Variants in CTNNA3 observed in about 807,000 individuals in gnomAD.
The protein encoded by CTNNA3 is catenin alpha-3.
CTNNA3 carries 76 observed loss-of-function variants against 95.7 expected under a neutral mutation model. The observed-to-expected ratio is 0.79, with a 90% CI of 0.66 to 0.96. The LOEUF (loss-of-function observed/expected upper bound fraction) is 0.96, where lower values mean the gene tolerates loss of function less well. Ranked by LOEUF, CTNNA3 falls within the 40% of genes least tolerant of loss-of-function variation. The pLI, the probability that CTNNA3 is intolerant of heterozygous loss-of-function variation, is 0.00. For missense variants in CTNNA3, 1,191 were observed against 1,089.8 expected, an observed-to-expected ratio of 1.09 and a Z score of -1.31; for synonymous variants, 431 against 374.4, an observed-to-expected ratio of 1.15 and a Z score of -1.74.
At chr10:67,015,740 AT>A (rs1489058859) in intron 7 of CTNNA3, among the ~76,000 whole-genome samples, 1 of 151,634 alleles carries the variant, frequency 6.6e-6, no homozygotes, top group African/African-American at 2.4e-5. Context: ...TTATTGATTC[AT>A]TTTTTTCTGT....
chr10:67,511,186 T>C (rs1839614276), intron 5 of CTNNA3, among the ~76,000 whole-genome samples: 1 of 152,200 alleles, frequency 6.6e-6, no homozygotes, highest in Non-Finnish European at 1.5e-5. Flanking sequence ...CCTTTACTTC[T>C]TTCTCTTGCC....
chr10:67,755,935 A>G (rs1336051622), intron 1 of CTNNA3, among the ~76,000 whole-genome samples: 3 of 152,234 alleles, frequency 2.0e-5, no homozygotes, highest in Admixed American at 6.5e-5. Context: ...ATGCTCATCA[A>G]TGGAAGAATG....
At chr10:67,006,390 C>T (rs1158097831) in intron 7 of CTNNA3, among the ~76,000 whole-genome samples, 3 of 152,086 alleles carry the variant, frequency 2.0e-5, no homozygotes, top group Non-Finnish European at 4.4e-5. Flanking sequence ...CCCCCTCCAC[C>T]CCTTCTCTTT....
intron 2 of CTNNA3, among the ~76,000 whole-genome samples, chr10:67,630,470 C>G (rs1428519633): frequency 6.6e-6 from 1 of 152,174 alleles, no homozygotes; most frequent in East Asian, 1.9e-4. Flanking sequence ...GAAACCCCAG[C>G]TCACATTGAA....
At chr10:67,423,114 A>C (rs952567251) in intron 5 of CTNNA3, among the ~76,000 whole-genome samples, 2 of 152,152 alleles carry the variant, frequency 1.3e-5, no homozygotes, top group Non-Finnish European at 2.9e-5. Context: ...TAGGCTTTGC[A>C]TATATTTGTG....
intron 5 of CTNNA3, among the ~76,000 whole-genome samples, chr10:67,305,376 A>AAT (rs1554820834): frequency 6.9e-6 from 1 of 144,354 alleles, no homozygotes; most frequent in Non-Finnish European, 1.5e-5. Flanking sequence ...AAAAAAAAAA[A>AAT]TTAAAAAAAA....
intron 7 of CTNNA3, among the ~76,000 whole-genome samples, chr10:66,999,549 G>C (rs1371259010): frequency 6.7e-6 from 1 of 150,102 alleles, no homozygotes; most frequent in African/African-American, 2.4e-5. Context: ...TCTAACTATA[G>C]AGGTGATCAG....
chr10:67,114,627 T>C (rs980475728), intron 7 of CTNNA3, among the ~76,000 whole-genome samples: 11 of 152,172 alleles, frequency 7.2e-5, no homozygotes, highest in Admixed American at 6.6e-4. Context: ...TTTAATCCAG[T>C]AGTTCTTAAT....
intron 13 of CTNNA3, among the ~76,000 whole-genome samples, chr10:66,203,002 A>G (rs907315760): frequency 9.2e-5 from 14 of 152,188 alleles, no homozygotes; most frequent in African/African-American, 2.9e-4. Context: ...TAAGGAAATA[A>G]AGTCTCTACT....
intron 5 of CTNNA3, among the ~76,000 whole-genome samples, chr10:67,459,155 AG>A (rs1448166676): frequency 6.6e-6 from 1 of 152,216 alleles, no homozygotes; most frequent in Non-Finnish European, 1.5e-5. Context: ...CAGTGCCATC[AG>A]TAGAAACTCA....
chr10:66,604,090 C>T (rs1844029321), intron 10 of CTNNA3, among the ~76,000 whole-genome samples: 1 of 151,704 alleles, frequency 6.6e-6, no homozygotes, highest in South Asian at 2.1e-4. Context: ...GGGATCATAT[C>T]AAGTTAAAAA....
chr10:66,685,294 T>TATAC (rs201397766), intron 9 of CTNNA3, among the ~76,000 whole-genome samples: 36,431 of 88,270 alleles, frequency 0.41, 9,387 homozygotes, highest in African/African-American at 0.5. Context: ...AGTATATATA[T>TATAC]GTGTGTATAT....
At chr10:66,852,378 A>G (rs550128562) in intron 7 of CTNNA3, among the ~76,000 whole-genome samples, 2 of 152,308 alleles carry the variant, frequency 1.3e-5, no homozygotes, top group South Asian at 2.1e-4. Context: ...TTAGTGCTAG[A>G]CTATTAGGTC....
chr10:67,395,686 G>C (rs1488997067), intron 5 of CTNNA3, among the ~76,000 whole-genome samples: 1 of 152,162 alleles, frequency 6.6e-6, no homozygotes, highest in Non-Finnish European at 1.5e-5. Context: ...AATGTGAATA[G>C]TAGGAAACAT....
At chr10:66,123,448 G>A (rs1423064704) in intron 13 of CTNNA3, among the ~76,000 whole-genome samples, 2 of 152,110 alleles carry the variant, frequency 1.3e-5, no homozygotes, top group Non-Finnish European at 2.9e-5. Flanking sequence ...TTATGGGCTG[G>A]CATTGAGTGT....
At chr10:66,926,502 G>C (rs1847081856) in intron 7 of CTNNA3, 1 of 1,544,020 alleles carries the variant, frequency 6.5e-7, no homozygotes. Flanking sequence ...ACTCACTACA[G>C]TGCAGCTGAC....
chr10:65,934,906 A>G (rs2077311672), intron 17 of CTNNA3, among the ~76,000 whole-genome samples: 1 of 152,120 alleles, frequency 6.6e-6, no homozygotes, highest in Admixed American at 6.5e-5. Context: ...TAGAGAAAAT[A>G]CTGGGGCTTA....
chr10:67,531,627 G>A (rs532573718), intron 4 of CTNNA3, among the ~76,000 whole-genome samples: 53 of 152,298 alleles, frequency 3.5e-4, no homozygotes, highest in African/African-American at 1.2e-3. Context: ...TCTTAGATGA[G>A]ATGTTGAACT....
At chr10:66,680,948 A>G (rs555297005) in intron 9 of CTNNA3, among the ~76,000 whole-genome samples, 1 of 152,208 alleles carries the variant, frequency 6.6e-6, no homozygotes, top group East Asian at 1.9e-4. Flanking sequence ...TCTTATCTCT[A>G]CTCTTGGCAA....
Sources: gnomAD v4.1 joint callset for allele counts (sites outside exome capture counted in the v4.1 genomes callset) on GRCh38, gnomAD v4.1.1 for gene constraint, MANE v1.5 for transcripts, NCBI Gene and HGNC (gene_info 2026-07-23, HGNC 2026-07-21) for gene names.